Variants in UMAD1 observed in about 807,000 individuals in gnomAD.
UMAD1 encodes UBAP1-MVB12-associated (UMA)-domain containing protein 1.
Under a neutral mutation model 6.1 loss-of-function variants are expected in UMAD1, and 8 were observed. That is an observed-to-expected ratio of 1.30 (90% CI 0.76 to 2.35). The LOEUF is 2.35. Ranked by LOEUF, UMAD1 falls within the 30% of genes most tolerant of loss-of-function variation. The pLI is 0.00. For synonymous variants in UMAD1, 56 were observed against 31.4 expected, an observed-to-expected ratio of 1.78 and a Z score of -2.61; for missense variants, 130 against 78.4, an observed-to-expected ratio of 1.66 and a Z score of -2.49.
chr7:7,791,931 G>GGGGA, intron 2 of UMAD1, among the ~76,000 whole-genome samples: 1 of 152,168 alleles, frequency 6.6e-6, no homozygotes, highest in East Asian at 1.9e-4. Context: ...TTTTAACGTA[G>GGGGA]ACTACCTGTT....
At chr7:7,843,587 C>T (rs190588146) in intron 3 of UMAD1, among the ~76,000 whole-genome samples, 14 of 152,102 alleles carry the variant, frequency 9.2e-5, no homozygotes, top group Non-Finnish European at 2.1e-4. Context: ...TTATTATTAC[C>T]TAACATTTTA....
chr7:7,706,324 TG>T (rs1270868691), intron 2 of UMAD1, among the ~76,000 whole-genome samples: 1 of 152,186 alleles, frequency 6.6e-6, no homozygotes, highest in Non-Finnish European at 1.5e-5. Flanking sequence ...GTAGTGAGGC[TG>T]CTCATGTTAT....
intron 2 of UMAD1, among the ~76,000 whole-genome samples, chr7:7,697,425 T>C (rs1269934542): frequency 6.6e-6 from 1 of 152,228 alleles, no homozygotes; most frequent in Non-Finnish European, 1.5e-5. Context: ...TCCTGTAAGT[T>C]ATTTTCTTAA....
chr7:7,702,958 T>C (rs557533202), intron 2 of UMAD1, among the ~76,000 whole-genome samples: 21 of 152,348 alleles, frequency 1.4e-4, no homozygotes, highest in African/African-American at 4.8e-4. Context: ...TCTCCAGTCC[T>C]GTTGTCGTGT....
intron 3 of UMAD1, among the ~76,000 whole-genome samples, chr7:7,828,508 G>C (rs1276025596): frequency 1.3e-5 from 2 of 152,156 alleles, no homozygotes; most frequent in East Asian, 3.8e-4. Flanking sequence ...CTTCTTCTCA[G>C]AGCCCCTGGT....
chr7:7,642,099 T>G (rs1784986723), intron 1 of UMAD1, among the ~76,000 whole-genome samples: 1 of 152,204 alleles, frequency 6.6e-6, no homozygotes, highest in Non-Finnish European at 1.5e-5. Flanking sequence ...CAAGTTGATG[T>G]GCATTATATA....
chr7:7,871,984 A>G (rs1784340566), intron 3 of UMAD1, among the ~76,000 whole-genome samples: 1 of 152,034 alleles, frequency 6.6e-6, no homozygotes, highest in South Asian at 2.1e-4. Flanking sequence ...TCAGTCTCCC[A>G]CCACATCAAG....
intron 2 of UMAD1, among the ~76,000 whole-genome samples, chr7:7,784,258 T>A (rs1002271030): frequency 1.5e-4 from 23 of 152,072 alleles, no homozygotes; most frequent in African/African-American, 5.6e-4. Context: ...GAGCTTATTA[T>A]AAGGAGTTTG....
chr7:7,777,343 A>C (rs1782230712), intron 2 of UMAD1, among the ~76,000 whole-genome samples: 1 of 151,130 alleles, frequency 6.6e-6, no homozygotes. Context: ...TATCTCTACT[A>C]AAAATACAAA....
At chr7:7,852,107 G>A (rs184951369) in intron 3 of UMAD1, among the ~76,000 whole-genome samples, 55 of 152,292 alleles carry the variant, frequency 3.6e-4, no homozygotes, top group Non-Finnish European at 6.5e-4. Context: ...AGTTGTCCCA[G>A]CAATATTTGT....
At chr7:7,758,605 A>G (rs933124922) in intron 2 of UMAD1, among the ~76,000 whole-genome samples, 5 of 152,276 alleles carry the variant, frequency 3.3e-5, no homozygotes, top group Admixed American at 3.3e-4. Context: ...TACTTTTACC[A>G]TATATGGTGT....
At chr7:7,842,046 T>C (rs1052997932) in intron 3 of UMAD1, among the ~76,000 whole-genome samples, 2 of 152,210 alleles carry the variant, frequency 1.3e-5, no homozygotes, top group African/African-American at 4.8e-5. Context: ...TTCTGTACAG[T>C]GTCTCTGTCG....
intron 2 of UMAD1, among the ~76,000 whole-genome samples, chr7:7,690,170 G>T (rs1249228766): frequency 6.6e-6 from 1 of 152,158 alleles, no homozygotes; most frequent in African/African-American, 2.4e-5. Flanking sequence ...CAATTCTGCT[G>T]ATGATAATGT....
intron 1 of UMAD1, among the ~76,000 whole-genome samples, chr7:7,663,379 A>G (rs1006097685): frequency 3.3e-5 from 5 of 152,162 alleles, no homozygotes; most frequent in Non-Finnish European, 7.4e-5. Flanking sequence ...ATTAGTTTCC[A>G]AGCTGTTCTG....
chr7:7,794,083 A>T (rs1782621248), intron 2 of UMAD1, among the ~76,000 whole-genome samples: 1 of 152,174 alleles, frequency 6.6e-6, no homozygotes, highest in African/African-American at 2.4e-5. Context: ...TTCCATGTGA[A>T]CCCCTTGGAA....
chr7:7,744,971 G>C, intron 2 of UMAD1, among the ~76,000 whole-genome samples: 1 of 152,122 alleles, frequency 6.6e-6, no homozygotes, highest in Non-Finnish European at 1.5e-5. Context: ...CTCCCCCAAA[G>C]CTTAAACTAC....
intron 3 of UMAD1, among the ~76,000 whole-genome samples, chr7:7,832,747 T>C (rs1017166986): frequency 6.6e-6 from 1 of 152,106 alleles, no homozygotes; most frequent in African/African-American, 2.4e-5. Flanking sequence ...ACTTCTAGGA[T>C]TTTAGAACAA....
At chr7:7,742,024 A>G (rs1421639744) in intron 2 of UMAD1, 1 of 434,938 alleles carries the variant, frequency 2.3e-6, no homozygotes, top group African/African-American at 2.0e-5. Context: ...ATGAATACTG[A>G]TGTGAGACAG....
intron 2 of UMAD1, among the ~76,000 whole-genome samples, chr7:7,730,884 G>C (rs1781235706): frequency 6.6e-6 from 1 of 152,236 alleles, no homozygotes; most frequent in Non-Finnish European, 1.5e-5. Context: ...AGTGGAAGCA[G>C]TGGCGGGAAT....
Sources: gnomAD v4.1 joint callset for allele counts (sites outside exome capture counted in the v4.1 genomes callset) on GRCh38, gnomAD v4.1.1 for gene constraint, MANE v1.5 for transcripts, NCBI Gene and HGNC (gene_info 2026-07-23, HGNC 2026-07-21) for gene names.